SMYD4: variants seen among roughly 807,000 people sequenced by gnomAD.
SMYD4 encodes the protein SET and MYND domain containing 4.
In SMYD4, 68 loss-of-function variants were observed where a neutral mutation model predicts 72.8. The ratio of observed to expected loss-of-function variants is 0.93; its 90% CI spans 0.77 to 1.14. The LOEUF is 1.14. Among genes scored for constraint, SMYD4 ranks in the 50% most tolerant of loss-of-function variants. The pLI, the probability that SMYD4 is intolerant of heterozygous loss-of-function variation, is 0.00. For missense variants in SMYD4, 984 were observed against 1,003.7 expected (o/e 0.98, Z 0.27); for synonymous variants, 407 against 388.6 (o/e 1.05, Z -0.56).
At chr17:1,819,960 G>A (rs1157163840) in intron 2 of SMYD4, among the ~76,000 whole-genome samples, 1 of 151,738 alleles carries the variant, frequency 6.6e-6, no homozygotes, top group Non-Finnish European at 1.5e-5. Context: ...GCTAATTTTT[G>A]CATTTTTAGT....
chr17:1,794,105 A>ATATATATTTTTTTTTTTT (rs1291818005), intron 5 of SMYD4, among the ~76,000 whole-genome samples: 1 of 12,992 alleles, frequency 7.7e-5, no homozygotes, highest in Non-Finnish European at 1.4e-4. Context: ...ATATATATAT[A>ATATATATTTTTTTTTTTT]TTTTTTTTTT....
At chr17:1,815,966 C>A (rs1303108062) in intron 2 of SMYD4, among the ~76,000 whole-genome samples, 2 of 152,120 alleles carry the variant, frequency 1.3e-5, no homozygotes, top group Non-Finnish European at 2.9e-5. Context: ...TCCCAAAGTG[C>A]TGGAATGACA....
intron 5 of SMYD4, among the ~76,000 whole-genome samples, chr17:1,797,729 C>T (rs966455345): frequency 3.9e-5 from 6 of 152,172 alleles, no homozygotes; most frequent in East Asian, 1.9e-4. Context: ...TGGCCGGGCA[C>T]GGTGGCTCAC....
At chr17:1,822,055 T>C (rs984635260) in intron 2 of SMYD4, among the ~76,000 whole-genome samples, 2 of 152,006 alleles carry the variant, frequency 1.3e-5, no homozygotes, top group African/African-American at 4.8e-5. Flanking sequence ...TGAAACCCTG[T>C]CTCTACTAAA....
chr17:1,819,220 A>G (rs1398744224), intron 2 of SMYD4, among the ~76,000 whole-genome samples: 3 of 151,630 alleles, frequency 2.0e-5, no homozygotes, highest in Non-Finnish European at 4.4e-5. Flanking sequence ...AGCCAGGCAC[A>G]GTGGTGCATG....
chr17:1,792,000 G>C (rs1012000122), intron 5 of SMYD4, among the ~76,000 whole-genome samples: 2 of 152,072 alleles, frequency 1.3e-5, no homozygotes, highest in African/African-American at 4.8e-5. Flanking sequence ...AATGCCATCA[G>C]GCAGATATAA....
intron 4 of SMYD4, among the ~76,000 whole-genome samples, chr17:1,803,299 G>A (rs943781938): frequency 6.6e-5 from 10 of 152,160 alleles, no homozygotes; most frequent in African/African-American, 1.7e-4. Flanking sequence ...TTGCACTCAC[G>A]ACACTTAAGA....
chr17:1,828,746 G>A (rs1342298185), intron 1 of SMYD4, among the ~76,000 whole-genome samples: 1 of 151,852 alleles, frequency 6.6e-6, no homozygotes, highest in Non-Finnish European at 1.5e-5. Flanking sequence ...ACAGATGCGC[G>A]CAACTACGCC....
At position 1,783,106 on chromosome 17, in the gene SMYD4, C is replaced by A. The variant is rs1193037570; in HGVS notation, c.2190G>T (p.Glu730Asp). 1.2e-6 allele frequency: 2 copies of A among 1,614,210 alleles called. No homozygotes were observed. Among genetic ancestry groups the A allele is most frequent in the African/African-American group, 2.7e-5 (2 of 75,064 alleles). ...THLQRSLYVVEVRHGPSSVEM... is the reference protein window; with the variant it reads ...THLQRSLYVVDVRHGPSSVEM... ...CAACACTGGACGGCCCGTGGCGAAC[C>A]TCCACCACGTAGAGACTCCTCTGTA... is the stretch of plus-strand genomic sequence containing the variant. The change falls in exon 10 of 11, where the codon GAG becomes GAT. Residue 730 changes from glutamate (E) to aspartate (D), a missense_variant. By Grantham distance (45) the Glu-to-Asp change is conservative. Transcript: ENST00000305513.
chr17:1,787,717 T>A (rs1001218147), intron 5 of SMYD4, 113 bp from the exon 6 acceptor site: 2 of 1,069,694 alleles, frequency 1.9e-6, no homozygotes, highest in Non-Finnish European at 2.6e-6. Flanking sequence ...GTGTGAGTCA[T>A]GGCTCCACAG....
rs752691072 is a variant in SMYD4 at position 1,800,822 on chromosome 17, A to T, written c.572T>A (p.Leu191His). The change falls in exon 5 of 11, where the codon CTC (leucine) becomes CAC (histidine). Residue 191 changes from leucine (L) to histidine (H), a missense_variant. By Grantham distance (99) the Leu-to-His change is moderately conservative. Transcript: ENST00000305513. ...TTGCATCTTCATTTTCAGACGATGGAGGTTTCTCTGCAGAGTCTGAGGGAG... is the reference window on the plus strand; with the variant it reads ...TTGCATCTTCATTTTCAGACGATGGTGGTTTCTCTGCAGAGTCTGAGGGAG... ...DVLPQTLQRNLHRLKMKMQEK... is the reference protein window; with the variant it reads ...DVLPQTLQRNHHRLKMKMQEK... 1.9e-6 allele frequency: 3 copies of T among 1,613,984 alleles called. No homozygotes were observed. In the East Asian group the frequency reaches 6.7e-5, roughly 36 times the overall value.
chr17:1,789,124 A>C (rs990024966), intron 5 of SMYD4, among the ~76,000 whole-genome samples: 17 of 152,112 alleles, frequency 1.1e-4, no homozygotes, highest in Non-Finnish European at 8.8e-5. Context: ...ATGGTGGCTC[A>C]TGCCTGTAAT....
chr17:1,817,304 C>T (rs1181229803), intron 2 of SMYD4, among the ~76,000 whole-genome samples: 5 of 152,072 alleles, frequency 3.3e-5, no homozygotes, highest in Middle Eastern at 6.8e-3. Flanking sequence ...TCCCAAAGTG[C>T]TGGGATTACA....
chr17:1,791,211 C>T (rs1035325822), intron 5 of SMYD4, among the ~76,000 whole-genome samples: 3 of 151,044 alleles, frequency 2.0e-5, no homozygotes, highest in African/African-American at 4.9e-5. Context: ...GACACAGAAC[C>T]CCAATAAAAT....
chr17:1,792,680 G>A, intron 5 of SMYD4, among the ~76,000 whole-genome samples: 1 of 152,200 alleles, frequency 6.6e-6, no homozygotes, highest in East Asian at 1.9e-4. Flanking sequence ...CTCTGCTGCC[G>A]TGACAGGCCA....
chr17:1,811,332 T>G (rs1051570963), intron 3 of SMYD4, among the ~76,000 whole-genome samples: 4 of 152,064 alleles, frequency 2.6e-5, no homozygotes, highest in African/African-American at 9.7e-5. Context: ...ATGCCACCAC[T>G]AGTCAGGCTA....
intron 10 of SMYD4, chr17:1,781,848 G>A (rs1325527474): frequency 8.8e-5 from 15 of 169,518 alleles, no homozygotes; most frequent in Admixed American, 5.9e-4. Context: ...TTTTCATCTG[G>A]TATTTACCAC....
Position 1,781,207 on chromosome 17 carries a change from CA to C in SMYD4, c.*78del. 1 of 1,536,142 alleles carries C rather than the reference CA, an allele frequency of 6.5e-7. No homozygotes were observed. The highest frequency in any genetic ancestry group is 1.3e-5 in the South Asian group (1 of 78,594). On this transcript the variant is annotated 3_prime_UTR_variant, in exon 11 of 11. Transcript: ENST00000305513. ...AAGTGCTGGGATTACAGGCGTGAGC[CA>C]CCATACCTGGCCAGCAAAACCTCTT...
chr17:1,796,127 C>T (rs979673103), intron 5 of SMYD4, among the ~76,000 whole-genome samples: 5 of 151,816 alleles, frequency 3.3e-5, no homozygotes, highest in Non-Finnish European at 7.4e-5. Flanking sequence ...ACAGAATAAG[C>T]ATGTATTTTT....
Sources: allele counts gnomAD v4.1 joint callset (sites outside exome capture counted in the v4.1 genomes callset), GRCh38; gene constraint gnomAD v4.1.1; transcripts MANE v1.5; gene names NCBI Gene and HGNC (gene_info 2026-07-23, HGNC 2026-07-21).